Variants in ARHGEF4 observed in about 807,000 individuals in gnomAD.
ARHGEF4 encodes the protein APC-stimulated guanine nucleotide exchange factor 1.
ARHGEF4 carries 119 observed loss-of-function variants against 162.0 expected under a neutral mutation model. That is an observed-to-expected ratio of 0.73 (90% CI 0.63 to 0.86). The LOEUF (loss-of-function observed/expected upper bound fraction) is 0.86. ARHGEF4 is among the 40% of genes least tolerant of loss of function. The pLI, the probability that ARHGEF4 is intolerant of heterozygous loss-of-function variation, is 0.00. For missense variants in ARHGEF4, 2,488 were observed against 2,456.0 expected, an observed-to-expected ratio of 1.01 and a Z score of -0.28; for synonymous variants, 1,014 against 979.9, an observed-to-expected ratio of 1.03 and a Z score of -0.65.
At chr2:130,893,732 A>G (rs1679993973) in intron 1 of ARHGEF4, among the ~76,000 whole-genome samples, 1 of 152,116 alleles carries the variant, frequency 6.6e-6, no homozygotes, top group Non-Finnish European at 1.5e-5. Flanking sequence ...CTCTGTTTTG[A>G]TCGATCAGAT....
intron 4 of ARHGEF4, among the ~76,000 whole-genome samples, chr2:131,009,799 T>A (rs1175692917): frequency 1.3e-5 from 2 of 152,248 alleles, no homozygotes; most frequent in African/African-American, 2.4e-5. Flanking sequence ...TATCTGTTGC[T>A]TCAGACACCT....
intron 1 of ARHGEF4, among the ~76,000 whole-genome samples, chr2:130,842,246 C>A (rs141045211): frequency 6.6e-6 from 1 of 152,232 alleles, no homozygotes; most frequent in African/African-American, 2.4e-5. Flanking sequence ...TGTGAGCCCC[C>A]AGTGCATCCC....
At position 130,905,900 on chromosome 2, in the gene ARHGEF4, G is replaced by A. The variant is rs537528977; in HGVS notation, c.40-8086G>A. Among the ~76,000 whole-genome samples the A allele has an allele frequency of 2.0e-5, 3 of 152,276 alleles. No homozygotes were observed. In the South Asian group the frequency reaches 6.2e-4, roughly 32 times the overall value. On this transcript the variant is annotated intron_variant, in intron 1 of 13. Transcript: ENST00000409359. Reference sequence around the variant, plus strand: ...TTTCAGGCACTCACTGGGGGTCTTGGAATGTATCCCCCACAGATAAGGGGG... The same window carrying A: ...TTTCAGGCACTCACTGGGGGTCTTGAAATGTATCCCCCACAGATAAGGGGG...
chr2:130,992,849 T>C (rs1264416540), intron 4 of ARHGEF4, among the ~76,000 whole-genome samples: 2 of 152,188 alleles, frequency 1.3e-5, no homozygotes, highest in African/African-American at 4.8e-5. Context: ...TTTGGGAGGC[T>C]GAGGTGGGTA....
In ARHGEF4 at chr2:130,846,864, T is replaced by C. The variant is rs181192826; in HGVS notation, c.39+9872T>C. On this transcript the variant is annotated intron_variant, in intron 1 of 13. Coordinates refer to ENST00000409359, the MANE Select transcript of ARHGEF4 (RefSeq NM_001367493.1). The stretch of plus-strand genomic sequence containing the variant: ...CTTCTGATTCATCGTGAGGTGGAAG[T>C]TGTGGGCCCCGGGGGTCGAGTTATG... Among the ~76,000 whole-genome samples, 4 of 152,084 alleles carry C rather than the reference T, an allele frequency of 2.6e-5. 1 individual carries two copies. Among genetic ancestry groups the C allele is most frequent in the Admixed American group, 2.0e-4 (3 of 15,276 alleles).
intron 4 of ARHGEF4, among the ~76,000 whole-genome samples, chr2:130,972,675 A>G (rs1685440812): frequency 6.6e-6 from 1 of 152,244 alleles, no homozygotes; most frequent in Non-Finnish European, 1.5e-5. Flanking sequence ...TCAGAACAAA[A>G]CAAAAACCTA....
chr2:130,961,970 G>A (rs1684649284), intron 4 of ARHGEF4, among the ~76,000 whole-genome samples: 1 of 152,168 alleles, frequency 6.6e-6, no homozygotes, highest in African/African-American at 2.4e-5. Context: ...GCCGGGCGCG[G>A]TGGCTCATGC....
intron 2 of ARHGEF4, 24 bp downstream of exon 2, chr2:130,917,522 C>A: frequency 6.5e-7 from 1 of 1,528,098 alleles, no homozygotes; most frequent in Non-Finnish European, 8.8e-7. Flanking sequence ...TCGCACCAAG[C>A]CTTTCCTGAC....
At chr2:131,015,018 G>T (rs1406331051) in intron 4 of ARHGEF4, among the ~76,000 whole-genome samples, 2 of 152,126 alleles carry the variant, frequency 1.3e-5, no homozygotes, top group Non-Finnish European at 2.9e-5. Context: ...TGAGCTGCGG[G>T]GCCTAGATCT....
chr2:130,885,564 CTTTTT>C (rs961513941), intron 1 of ARHGEF4, among the ~76,000 whole-genome samples: 1 of 100,434 alleles, frequency 1.0e-5, no homozygotes, highest in Non-Finnish European at 1.9e-5. Context: ...TTTTCTTATT[CTTTTT>C]TTTTTTTTTT....
At chr2:131,026,578 A>G (rs1689487746) in intron 4 of ARHGEF4, among the ~76,000 whole-genome samples, 1 of 152,250 alleles carries the variant, frequency 6.6e-6, no homozygotes, top group Non-Finnish European at 1.5e-5. Flanking sequence ...AATTCAATAG[A>G]CAAATGGGTA....
At chr2:130,988,788 T>G (rs1001721174) in intron 4 of ARHGEF4, among the ~76,000 whole-genome samples, 2 of 151,866 alleles carry the variant, frequency 1.3e-5, no homozygotes, top group Non-Finnish European at 2.9e-5. Context: ...CCATCTAGGT[T>G]GTTTTTAATT....
At chr2:130,990,655 A>G (rs1409771355) in intron 4 of ARHGEF4, among the ~76,000 whole-genome samples, 1 of 152,132 alleles carries the variant, frequency 6.6e-6, no homozygotes, top group African/African-American at 2.4e-5. Flanking sequence ...TGATTCTGCA[A>G]CCGGTAGGGA....
intron 3 of ARHGEF4, among the ~76,000 whole-genome samples, chr2:130,940,629 A>G (rs1397774250): frequency 6.7e-6 from 1 of 149,540 alleles, no homozygotes; most frequent in African/African-American, 2.5e-5. Flanking sequence ...TCACGAGGTC[A>G]GGAGATCGAG....
intron 4 of ARHGEF4, among the ~76,000 whole-genome samples, chr2:131,017,315 A>G (rs976592896): frequency 1.3e-5 from 2 of 152,136 alleles, no homozygotes; most frequent in African/African-American, 2.4e-5. Context: ...TCAGTCCCGG[A>G]GTCCTTCCCC....
chr2:130,961,469 G>A (rs929034539), intron 4 of ARHGEF4, among the ~76,000 whole-genome samples: 14 of 152,132 alleles, frequency 9.2e-5, no homozygotes, highest in African/African-American at 3.1e-4. Flanking sequence ...GCAAGGTGGC[G>A]GCTGTGGCAG....
intron 3 of ARHGEF4, among the ~76,000 whole-genome samples, chr2:130,937,385 C>T (rs981565541): frequency 2.0e-5 from 3 of 152,088 alleles, no homozygotes; most frequent in African/African-American, 7.2e-5. Flanking sequence ...CTTTTTTCTG[C>T]CTACTCAGAC....
At chr2:130,869,722 C>T (rs554483486) in intron 1 of ARHGEF4, among the ~76,000 whole-genome samples, 245 of 152,288 alleles carry the variant, frequency 1.6e-3, no homozygotes, top group African/African-American at 5.5e-3. Flanking sequence ...CCGGCCAGAG[C>T]GGGGAGCTGA....
At chr2:130,904,830 G>T (rs1274751121) in intron 1 of ARHGEF4, among the ~76,000 whole-genome samples, 1 of 151,642 alleles carries the variant, frequency 6.6e-6, no homozygotes, top group Non-Finnish European at 1.5e-5. Context: ...TGTAATCCCA[G>T]CACTTTGTGG....
Sources: gnomAD v4.1 joint callset for allele counts (sites outside exome capture counted in the v4.1 genomes callset) on GRCh38, gnomAD v4.1.1 for gene constraint, MANE v1.5 for transcripts, NCBI Gene and HGNC (gene_info 2026-07-23, HGNC 2026-07-21) for gene names.